Variants in KCNH5 observed in about 807,000 individuals in gnomAD.
The protein encoded by KCNH5 is potassium voltage-gated channel subfamily H member 5, also known as voltage-gated delayed rectifier potassium channel KCNH5.
A neutral mutation model predicts 96.1 loss-of-function variants in KCNH5; 46 were observed. The ratio of observed to expected loss-of-function variants is 0.48; its 90% confidence interval spans 0.38 to 0.61. The LOEUF (loss-of-function observed/expected upper bound fraction) is 0.61, where lower values mean the gene tolerates loss of function less well. KCNH5 is among the 20% of genes least tolerant of loss of function. The pLI, the probability that KCNH5 is intolerant of heterozygous loss-of-function variation, is 0.00. For synonymous variants in KCNH5, 439 were observed against 449.8 expected, an observed-to-expected ratio of 0.98 and a Z score of 0.30; for missense variants, 907 against 1,225.8, an observed-to-expected ratio of 0.74 and a Z score of 3.88.
rs184322246 is a variant in KCNH5, at chr14:63,040,597, G to A, written c.73+4517C>T. ...TAAAGAAAACCTTTCAAGAAAAAATGTCAATAACTTTATAACAACAACAAC... is the reference window on the plus strand; with the variant it reads ...TAAAGAAAACCTTTCAAGAAAAAATATCAATAACTTTATAACAACAACAAC... On this transcript the variant is annotated intron_variant, in intron 1 of 10. Transcript: ENST00000322893. Among the ~76,000 whole-genome samples the A allele has an allele frequency of 7.3e-4, 111 of 152,198 alleles. 3 individuals carry two copies. The highest frequency in any genetic ancestry group is 2.5e-3 in the African/African-American group (102 of 41,532).
chr14:62,784,518 G>A (rs2139981148), intron 9 of KCNH5, among the ~76,000 whole-genome samples: 1 of 152,168 alleles, frequency 6.6e-6, no homozygotes, highest in South Asian at 2.1e-4. Flanking sequence ...CCTACTGTAT[G>A]TTTTCCAAAT....
In KCNH5 at chr14:62,775,996, C is replaced by T. The variant is rs1012930478; in HGVS notation, c.2019+3732G>A. On this transcript the variant is annotated intron_variant, in intron 10 of 10. Transcript: ENST00000322893. ...AGAGGTAATAAAGTTGGGGCCAGCG[C>T]GGTGGCTCACACCTGTAATCCCAGC... 6.6e-5 allele frequency among the ~76,000 whole-genome samples: 10 copies of T among 152,020 alleles called. 1 individual carries two copies. The highest frequency in any genetic ancestry group is 6.5e-5 in the Admixed American group (1 of 15,278).
intron 7 of KCNH5, among the ~76,000 whole-genome samples, chr14:62,896,230 C>T (rs534248075): frequency 6.6e-6 from 1 of 152,290 alleles, no homozygotes; most frequent in East Asian, 1.9e-4. Context: ...TGTCAATAGG[C>T]CACCTACAGC....
intron 7 of KCNH5, among the ~76,000 whole-genome samples, chr14:62,883,392 G>A (rs1357888100): frequency 6.6e-6 from 1 of 152,142 alleles, no homozygotes; most frequent in East Asian, 1.9e-4. Flanking sequence ...TCTCTGTGGA[G>A]GGTGATTATG....
At position 62,727,340 on chromosome 14, in the gene KCNH5, G is replaced by A. The variant is rs186219712; in HGVS notation, c.2020-18885C>T. Among the ~76,000 whole-genome samples the A allele has an allele frequency of 6.0e-4, 91 of 152,202 alleles. 2 individuals are homozygous for A. In the East Asian group the frequency reaches 0.018, roughly 29 times the overall value. On this transcript the variant is annotated intron_variant, in intron 10 of 10. Coordinates refer to ENST00000322893, the MANE Select transcript of KCNH5 (RefSeq NM_139318.5). ...AGATCACGCCACTGCACTCCAGCAT[G>A]GGCAACAGAGTGAGACTCTGTCTCA...
intron 10 of KCNH5, among the ~76,000 whole-genome samples, chr14:62,713,273 T>A (rs913434810): frequency 4.8e-5 from 4 of 83,092 alleles, no homozygotes; most frequent in Non-Finnish European, 8.2e-5. Context: ...GAATCAGTGC[T>A]ATCTGTATAT....
chr14:63,042,231 A>G (rs956043960), intron 1 of KCNH5, among the ~76,000 whole-genome samples: 1 of 151,900 alleles, frequency 6.6e-6, no homozygotes, highest in African/African-American at 2.4e-5. Context: ...AGAGAAAAAG[A>G]GTTAGATTGC....
At chr14:62,916,814 C>T (rs116710279) in intron 7 of KCNH5, among the ~76,000 whole-genome samples, 34 of 152,272 alleles carry the variant, frequency 2.2e-4, no homozygotes, top group African/African-American at 7.9e-4. Context: ...GTCTTCTCAT[C>T]GTTTACGGCT....
chr14:62,936,824 AAAC>A, intron 7 of KCNH5, among the ~76,000 whole-genome samples: 1 of 151,718 alleles, frequency 6.6e-6, no homozygotes, highest in African/African-American at 2.4e-5. Flanking sequence ...AAAAATCCAA[AAAC>A]AACATTAGCC....
chr14:62,820,324 C>T lies in KCNH5; in HGVS notation c.1570-17743G>A, dbSNP rs188916567. 1.7e-3 allele frequency among the ~76,000 whole-genome samples: 251 copies of T among 151,120 alleles called. 2 individuals carry two copies. The highest frequency in any genetic ancestry group is 6.0e-3 in the African/African-American group (248 of 41,146). Reference sequence around the variant, plus strand: ...AGCTTTTCTTTATTTTTTTGTCATTCCATTAAGTAATTTATTTTGTTATAT... The same window carrying T: ...AGCTTTTCTTTATTTTTTTGTCATTTCATTAAGTAATTTATTTTGTTATAT... On this transcript the variant is annotated intron_variant, in intron 8 of 10. Coordinates refer to ENST00000322893, the MANE Select transcript of KCNH5 (RefSeq NM_139318.5).
intron 4 of KCNH5, among the ~76,000 whole-genome samples, chr14:62,992,041 A>ATT (rs986090519): frequency 6.6e-6 from 1 of 151,740 alleles, no homozygotes; most frequent in Non-Finnish European, 1.5e-5. Flanking sequence ...ATGTGTACAC[A>ATT]TTTTTTTAAC....
At chr14:62,787,339 C>T (rs1886339535) in intron 9 of KCNH5, among the ~76,000 whole-genome samples, 1 of 152,158 alleles carries the variant, frequency 6.6e-6, no homozygotes, top group Non-Finnish European at 1.5e-5. Context: ...TAACTATCTC[C>T]AATTCTGTAA....
At chr14:63,008,471 T>A (rs77477750) in intron 2 of KCNH5, among the ~76,000 whole-genome samples, 1 of 151,638 alleles carries the variant, frequency 6.6e-6, no homozygotes, top group Admixed American at 6.6e-5. Context: ...AATTACAGGG[T>A]AACTCAAGCC....
At chr14:62,832,029 A>G (rs1566675350) in intron 8 of KCNH5, among the ~76,000 whole-genome samples, 1 of 152,292 alleles carries the variant, frequency 6.6e-6, no homozygotes, top group East Asian at 1.9e-4. Context: ...ACTAACTTCA[A>G]TAGTTACATT....
chr14:62,810,078 G>C (rs1314065311), intron 8 of KCNH5, among the ~76,000 whole-genome samples: 2 of 152,046 alleles, frequency 1.3e-5, no homozygotes, highest in Admixed American at 1.3e-4. Context: ...TGCCCTTGTG[G>C]AATATATTAC....
chr14:63,011,588 A>G (rs1891229074), intron 2 of KCNH5, among the ~76,000 whole-genome samples: 1 of 152,224 alleles, frequency 6.6e-6, no homozygotes, highest in African/African-American at 2.4e-5. Context: ...TTCACAACCC[A>G]TTGATTTACA....
At chr14:62,920,780 T>G (rs1184767570) in intron 7 of KCNH5, among the ~76,000 whole-genome samples, 2 of 152,114 alleles carry the variant, frequency 1.3e-5, no homozygotes, top group Non-Finnish European at 2.9e-5. Context: ...AGATCTGAAT[T>G]TACACAATAA....
chr14:62,819,707 A>G (rs1887075298), intron 8 of KCNH5, among the ~76,000 whole-genome samples: 1 of 152,234 alleles, frequency 6.6e-6, no homozygotes, highest in South Asian at 2.1e-4. Context: ...TTCAGAGGAC[A>G]TAAAAATACT....
intron 9 of KCNH5, among the ~76,000 whole-genome samples, chr14:62,789,387 A>AAGAAGAG (rs1886385540): frequency 6.6e-6 from 1 of 152,098 alleles, no homozygotes; most frequent in East Asian, 1.9e-4. Flanking sequence ...ACTGCAATAA[A>AAGAAGAG]CATGGGGGTG....
Sources: allele counts gnomAD v4.1 joint callset (sites outside exome capture counted in the v4.1 genomes callset), GRCh38; gene constraint gnomAD v4.1.1; transcripts MANE v1.5; gene names NCBI Gene and HGNC (gene_info 2026-07-23, HGNC 2026-07-21).